The following HHAT variants were observed in gnomAD, a reference collection of about 807,000 sequenced individuals.
The protein encoded by HHAT is protein-cysteine N-palmitoyltransferase HHAT.
HHAT carries 47 observed loss-of-function variants against 70.8 expected under a neutral mutation model. The ratio of observed to expected loss-of-function variants is 0.66; its 90% CI spans 0.53 to 0.85. HHAT has a LOEUF of 0.85. HHAT is among the 40% of genes least tolerant of loss of function. The pLI, the probability that HHAT is intolerant of heterozygous loss-of-function variation, is 0.00. For synonymous variants in HHAT, 228 were observed against 247.6 expected, an observed-to-expected ratio of 0.92 and a Z score of 0.74; for missense variants, 609 against 604.8, an observed-to-expected ratio of 1.01 and a Z score of -0.07.
chr1:210,455,225 C>G (rs1308424977), intron 7 of HHAT, among the ~76,000 whole-genome samples: 1 of 152,196 alleles, frequency 6.6e-6, no homozygotes, highest in East Asian at 1.9e-4. Flanking sequence ...GTTACCTGCC[C>G]TTTATAGCAG....
intron 11 of HHAT, among the ~76,000 whole-genome samples, chr1:210,652,783 A>G (rs1256916902): frequency 6.6e-6 from 1 of 152,168 alleles, no homozygotes; most frequent in Admixed American, 6.5e-5. Context: ...ACTCAACCTC[A>G]CTCTGCAAAA....
At chr1:210,643,203 G>C (rs1010789830) in intron 11 of HHAT, among the ~76,000 whole-genome samples, 3 of 152,136 alleles carry the variant, frequency 2.0e-5, no homozygotes, top group African/African-American at 7.2e-5. Context: ...CTTAAATCTT[G>C]TTGCTGTGAA....
At chr1:210,564,312 A>T (rs1327352615) in intron 9 of HHAT, among the ~76,000 whole-genome samples, 2 of 152,150 alleles carry the variant, frequency 1.3e-5, no homozygotes, top group African/African-American at 4.8e-5. Flanking sequence ...GAGCACGTAG[A>T]AGTTAAGAGA....
intron 6 of HHAT, among the ~76,000 whole-genome samples, chr1:210,416,572 T>C (rs975004588): frequency 2.6e-5 from 4 of 152,258 alleles, no homozygotes; most frequent in African/African-American, 9.6e-5. Context: ...TAAGTTACTG[T>C]GCATCTCTAA....
At chr1:210,404,379 G>T in intron 5 of HHAT, 85 bp from the exon 6 acceptor site, 1 of 984,928 alleles carries the variant, frequency 1.0e-6, no homozygotes, top group South Asian at 1.5e-5. Context: ...AGATGACGGT[G>T]GCCCTGCTGG....
At chr1:210,365,600 G>A (rs918322096) in intron 3 of HHAT, among the ~76,000 whole-genome samples, 1 of 151,614 alleles carries the variant, frequency 6.6e-6, no homozygotes, top group African/African-American at 2.4e-5. Context: ...TTACAGGTGT[G>A]GGCCACCATG....
chr1:210,351,819 C>G (rs2087052583), intron 2 of HHAT, among the ~76,000 whole-genome samples: 1 of 152,142 alleles, frequency 6.6e-6, no homozygotes, highest in Non-Finnish European at 1.5e-5. Flanking sequence ...GCACGTGCAG[C>G]CTGGGAAGTT....
chr1:210,374,098 G>C (rs753470650), intron 3 of HHAT: 26 of 151,678 alleles, frequency 1.7e-4, no homozygotes, highest in African/African-American at 6.0e-4. Flanking sequence ...AATCACTTAA[G>C]CCTAAAGTTG....
intron 8 of HHAT, among the ~76,000 whole-genome samples, chr1:210,488,576 C>T (rs889304489): frequency 3.3e-5 from 5 of 152,106 alleles, no homozygotes; most frequent in Admixed American, 1.3e-4. Flanking sequence ...ATTATTCATT[C>T]GATGAATGAA....
At chr1:210,517,735 T>C (rs1463015339) in intron 9 of HHAT, among the ~76,000 whole-genome samples, 1 of 152,204 alleles carries the variant, frequency 6.6e-6, no homozygotes, top group Non-Finnish European at 1.5e-5. Flanking sequence ...GAAATGCATG[T>C]GTTAATTAGC....
chr1:210,502,388 A>AAAAAAT (rs1488015154), intron 8 of HHAT, among the ~76,000 whole-genome samples: 1 of 151,092 alleles, frequency 6.6e-6, no homozygotes, highest in Non-Finnish European at 1.5e-5. Context: ...AGTCTCAAAA[A>AAAAAAT]AAAAAAAAAA....
chr1:210,572,618 G>A (rs1656588619), intron 9 of HHAT, among the ~76,000 whole-genome samples: 1 of 152,180 alleles, frequency 6.6e-6, no homozygotes, highest in Admixed American at 6.5e-5. Context: ...CTTTGGCTGG[G>A]TTTTGTGGCT....
intron 10 of HHAT, among the ~76,000 whole-genome samples, chr1:210,597,056 C>G (rs920427079): frequency 1.3e-5 from 2 of 152,182 alleles, no homozygotes; most frequent in African/African-American, 4.8e-5. Context: ...CACCCCATGT[C>G]CAGTAATACT....
chr1:210,359,830 G>A (rs751663104), intron 2 of HHAT, among the ~76,000 whole-genome samples: 18 of 151,862 alleles, frequency 1.2e-4, no homozygotes, highest in East Asian at 1.9e-4. Flanking sequence ...TCGCACCACT[G>A]TACTCCAACC....
chr1:210,349,146 GA>G, intron 2 of HHAT, 80 bp downstream of exon 2: 2 of 1,434,642 alleles, frequency 1.4e-6, no homozygotes, highest in Admixed American at 2.0e-5. Flanking sequence ...GAAGATTCAA[GA>G]AGATGATCCA....
At chr1:210,603,121 G>A (rs549122920) in intron 10 of HHAT, among the ~76,000 whole-genome samples, 108 of 152,238 alleles carry the variant, frequency 7.1e-4, no homozygotes, top group African/African-American at 2.3e-3. Context: ...GCCTTTGCTC[G>A]GCTGCTCAGT....
Position 210,598,128 on chromosome 1 carries a change from T to C in HHAT, c.1245+10029T>C, listed in dbSNP as rs193046174. ...GGTGTGTCTAGAAATGTCTGGGAGG[T>C]AGGGGTTGGGATGGGGGCCTCAAAA... On this transcript the variant is annotated intron_variant, in intron 10 of 11. Coordinates refer to ENST00000261458, the MANE Select transcript of HHAT (RefSeq NM_018194.6). 2.6e-4 allele frequency among the ~76,000 whole-genome samples: 40 copies of C among 151,512 alleles called. 2 individuals carry two copies. Among genetic ancestry groups the C allele is most frequent in the Admixed American group, 1.3e-3 (19 of 15,182 alleles).
At chr1:210,436,814 G>C (rs949848054) in intron 7 of HHAT, among the ~76,000 whole-genome samples, 2 of 151,750 alleles carry the variant, frequency 1.3e-5, no homozygotes, top group African/African-American at 4.9e-5. Flanking sequence ...TAAGGGTTAG[G>C]CCTCTCAGCT....
At chr1:210,474,365 A>G (rs1017005778) in intron 8 of HHAT, among the ~76,000 whole-genome samples, 15 of 152,160 alleles carry the variant, frequency 9.9e-5, no homozygotes, top group African/African-American at 3.6e-4. Context: ...ATCACGGCTC[A>G]CTGCAACCGC....
Sources: gnomAD v4.1 joint callset for allele counts (sites outside exome capture counted in the v4.1 genomes callset) on GRCh38, gnomAD v4.1.1 for gene constraint, MANE v1.5 for transcripts, NCBI Gene and HGNC (gene_info 2026-07-23, HGNC 2026-07-21) for gene names.